ZFP2: variants seen among roughly 807,000 people sequenced by gnomAD.
The protein encoded by ZFP2 is zinc finger protein ZFP2.
In ZFP2, 33 loss-of-function variants were observed where a neutral mutation model predicts 36.1. That is an observed-to-expected ratio of 0.92 (90% CI 0.69 to 1.22). The LOEUF is 1.22. Among genes scored for constraint, ZFP2 ranks in the 50% most tolerant of loss-of-function variants. The pLI, the probability that ZFP2 is intolerant of heterozygous loss-of-function variation, is 0.00. For missense variants in ZFP2, 522 were observed against 551.4 expected, an observed-to-expected ratio of 0.95 and a Z score of 0.53; for synonymous variants, 170 against 178.0, an observed-to-expected ratio of 0.96 and a Z score of 0.36.
intron 1 of ZFP2, among the ~76,000 whole-genome samples, chr5:178,898,643 A>G (rs1370794332): frequency 2.0e-5 from 3 of 152,200 alleles, no homozygotes; most frequent in African/African-American, 7.2e-5. Flanking sequence ...GGAGAAGGCA[A>G]TGGCTGCTTG....
intron 1 of ZFP2, chr5:178,910,048 C>T (rs1485742009): frequency 6.8e-7 from 1 of 1,466,038 alleles, no homozygotes; most frequent in African/African-American, 1.4e-5. Context: ...TCTTCAGAGT[C>T]CAGGCCAAAC....
chr5:178,928,700 C>T (rs936923053), intron 4 of ZFP2, among the ~76,000 whole-genome samples: 2 of 152,216 alleles, frequency 1.3e-5, no homozygotes, highest in Admixed American at 6.5e-5. Context: ...GGCTTTTCCA[C>T]ATGCAGGGTG....
chr5:178,919,001 T>C (rs1472997688), intron 4 of ZFP2, among the ~76,000 whole-genome samples: 1 of 152,178 alleles, frequency 6.6e-6, no homozygotes. Context: ...TTATATAATC[T>C]GGGAAAAATT....
chr5:178,927,317 G>C (rs1200735373), intron 4 of ZFP2, among the ~76,000 whole-genome samples: 1 of 152,062 alleles, frequency 6.6e-6, no homozygotes, highest in Non-Finnish European at 1.5e-5. Context: ...AAAGTTTAAG[G>C]GGAAGAAACC....
At chr5:178,905,641 TA>T (rs1370280622) in intron 1 of ZFP2, among the ~76,000 whole-genome samples, 2 of 145,980 alleles carry the variant, frequency 1.4e-5, no homozygotes, top group Non-Finnish European at 3.1e-5. Flanking sequence ...AATGTAGTGC[TA>T]GGGGGAAAAT....
chr5:178,910,136 G>A, intron 1 of ZFP2: 3 of 1,454,118 alleles, frequency 2.1e-6, no homozygotes, highest in Non-Finnish European at 2.9e-6. Flanking sequence ...ACCGTGCACA[G>A]ATTCTGTCAC....
intron 1 of ZFP2, among the ~76,000 whole-genome samples, chr5:178,903,226 CT>C (rs1758095571): frequency 6.6e-6 from 1 of 152,180 alleles, no homozygotes; most frequent in Non-Finnish European, 1.5e-5. Context: ...AGCTGTTTTC[CT>C]TTTTTCATCT....
chr5:178,898,274 C>T (rs929037543), intron 1 of ZFP2, among the ~76,000 whole-genome samples: 12 of 152,222 alleles, frequency 7.9e-5, no homozygotes, highest in Admixed American at 7.9e-4. Flanking sequence ...GCGTGAGCCA[C>T]CGCGCATGGC....
At chr5:178,909,064 A>T (rs544794374) in intron 1 of ZFP2, among the ~76,000 whole-genome samples, 1 of 147,708 alleles carries the variant, frequency 6.8e-6, no homozygotes, top group African/African-American at 2.5e-5. Flanking sequence ...CTCAGGGCGT[A>T]AAACCCCTCG....
chr5:178,909,858 G>T (rs1758252583), intron 1 of ZFP2: 5 of 1,583,742 alleles, frequency 3.2e-6, no homozygotes, highest in African/African-American at 1.3e-5. Context: ...GCTGAGGTCA[G>T]GGCCAATCAC....
intron 3 of ZFP2, among the ~76,000 whole-genome samples, chr5:178,915,944 A>G (rs1433042986): frequency 6.6e-6 from 1 of 152,212 alleles, no homozygotes; most frequent in Non-Finnish European, 1.5e-5. Context: ...AATGACATCA[A>G]TTAGAATTTT....
At chr5:178,905,445 C>T (rs1444781594) in intron 1 of ZFP2, among the ~76,000 whole-genome samples, 1 of 152,214 alleles carries the variant, frequency 6.6e-6, no homozygotes, top group Non-Finnish European at 1.5e-5. Flanking sequence ...CCTAAAACTT[C>T]ATCACTATCA....
At chr5:178,908,621 A>C (rs1457775281) in intron 1 of ZFP2, among the ~76,000 whole-genome samples, 1 of 68,992 alleles carries the variant, frequency 1.4e-5, no homozygotes, top group Non-Finnish European at 3.2e-5. Context: ...TTCCCCTACC[A>C]AAAAAAAAAA....
rs1019215866 is a variant in ZFP2 at position 178,895,928 on chromosome 5, G to C, written c.-496G>C. Reference sequence around the variant, plus strand: ...CTGGCGCTCCGGGCTGTAAGCGCCGGTCGCGGCTGTGTCGGTCGCCGCTGC... The same window carrying C: ...CTGGCGCTCCGGGCTGTAAGCGCCGCTCGCGGCTGTGTCGGTCGCCGCTGC... On this transcript the variant is annotated 5_prime_UTR_variant, in exon 1 of 5. Coordinates refer to ENST00000361362, the MANE Select transcript of ZFP2 (RefSeq NM_030613.4). The C allele has an allele frequency of 1.8e-4, 28 of 152,394 alleles. No homozygotes were observed. Among genetic ancestry groups the C allele is most frequent in the African/African-American group, 6.8e-4 (28 of 41,476 alleles). 9.4% of individuals were successfully genotyped at this position (152,394 alleles called of 1,614,324 possible). A position where few individuals can be genotyped will look rare whatever the true frequency, so the allele number is the denominator to read the frequency against.
Position 178,931,474 on chromosome 5 carries a change from G to A in ZFP2, c.161G>A (p.Cys54Tyr), listed in dbSNP as rs1324379968. Residue 54 changes from cysteine (C) to tyrosine (Y), a missense_variant, in exon 5 of 5, where the codon TGT (cysteine) becomes TAT (tyrosine). Transcript: ENST00000361362. ...RVCGGNEFERCSSQDSILDTQ... is the reference protein window; with the variant it reads ...RVCGGNEFERYSSQDSILDTQ... ...TGTGGAGGTAATGAATTTGAAAGATGTTCCAGTCAGGATTCAATCCTTGAT... is the reference window on the plus strand; with the variant it reads ...TGTGGAGGTAATGAATTTGAAAGATATTCCAGTCAGGATTCAATCCTTGAT... The A allele has an allele frequency of 6.2e-7, 1 of 1,614,140 alleles. No individual in the cohort carries two copies. The highest frequency in any genetic ancestry group is 8.5e-7 in the Non-Finnish European group (1 of 1,180,032).
chr5:178,899,931 T>A (rs1309247658), intron 1 of ZFP2, among the ~76,000 whole-genome samples: 1 of 152,196 alleles, frequency 6.6e-6, no homozygotes, highest in South Asian at 2.1e-4. Context: ...GAAAGCTTCG[T>A]GGAGGCAAGT....
Position 178,912,658 on chromosome 5 carries a change from TCA to T in ZFP2, c.-374_-373del. On this transcript the variant is annotated 5_prime_UTR_variant, in exon 2 of 5. Transcript: ENST00000361362. The stretch of plus-strand genomic sequence containing the variant: ...AAGAGTGGATTCAAGCAGATTCTGC[TCA>T]GAGGATGACCGTGTATGGGGAGGTG... 1 of 1,061,070 alleles carries T rather than the reference TCA, an allele frequency of 9.4e-7. No homozygotes were observed. Among genetic ancestry groups the T allele is most frequent in the Non-Finnish European group, 1.2e-6 (1 of 862,554 alleles). The allele number at this position is 1,061,070 out of a possible 1,614,324, so 65.7% of individuals were successfully genotyped here. A position where few individuals can be genotyped will look rare whatever the true frequency, so the allele number is the denominator to read the frequency against.
rs1758830204 is a variant in ZFP2 at position 178,931,281 on chromosome 5, G to A, written c.-33G>A. ...AACCAAAGAGCCAACTCCGAAGCCGGGTATTACTGAAGATTTATGCCATGG... is the reference window on the plus strand; with the variant it reads ...AACCAAAGAGCCAACTCCGAAGCCGAGTATTACTGAAGATTTATGCCATGG... On this transcript the variant is annotated 5_prime_UTR_variant, in exon 5 of 5. Transcript: ENST00000361362. 3.9e-6 allele frequency: 6 copies of A among 1,542,578 alleles called. No individual in the cohort carries two copies. The Admixed American group carries it at 1.3e-4, about 33-fold the overall frequency.
Position 178,929,939 on chromosome 5 carries a change from C to T in ZFP2, c.-77-1298C>T, listed in dbSNP as rs929264381. 1.1e-4 allele frequency among the ~76,000 whole-genome samples: 11 copies of T among 98,830 alleles called. No individual in the cohort carries two copies. The Admixed American group carries it at 1.2e-3, about 10-fold the overall frequency. 64.8% of individuals were successfully genotyped at this position (98,830 alleles called of 152,430 possible). ...AGGCATAGTGCCAGCATCTGCTTGACGGTGGGGGGGGGGGCTCAGGAGGCT... is the reference window on the plus strand; with the variant it reads ...AGGCATAGTGCCAGCATCTGCTTGATGGTGGGGGGGGGGGCTCAGGAGGCT... On this transcript the variant is annotated intron_variant, in intron 4 of 4. Transcript: ENST00000361362.
Sources: gnomAD v4.1 joint callset for allele counts (sites outside exome capture counted in the v4.1 genomes callset) on GRCh38, gnomAD v4.1.1 for gene constraint, MANE v1.5 for transcripts, NCBI Gene and HGNC (gene_info 2026-07-23, HGNC 2026-07-21) for gene names.